DZANK1: variants seen among roughly 807,000 people sequenced by gnomAD.
The protein encoded by DZANK1 is double zinc ribbon and ankyrin repeat-containing protein 1.
DZANK1 carries 91 observed loss-of-function variants against 94.5 expected under a neutral mutation model. That is an observed-to-expected ratio of 0.96 (90% CI 0.81 to 1.15). DZANK1 has a LOEUF of 1.15. DZANK1 is among the 50% of genes most tolerant of loss of function. The pLI, the probability that DZANK1 is intolerant of heterozygous loss-of-function variation, is 0.00. For missense variants in DZANK1, 903 were observed against 916.4 expected (o/e 0.99, Z 0.19); for synonymous variants, 312 against 325.3 (o/e 0.96, Z 0.44).
intron 1 of DZANK1, among the ~76,000 whole-genome samples, chr20:18,466,588 A>G (rs972883691): frequency 1.3e-5 from 2 of 152,262 alleles, no homozygotes; most frequent in African/African-American, 4.8e-5. Flanking sequence ...GGCAGATAAA[A>G]TAAAAGTAGT....
At chr20:18,421,721 G>C (rs1242507738) in intron 10 of DZANK1, among the ~76,000 whole-genome samples, 1 of 152,138 alleles carries the variant, frequency 6.6e-6, no homozygotes, top group Non-Finnish European at 1.5e-5. Flanking sequence ...AGGAATAATG[G>C]TATGTCCCAT....
chr20:18,443,441 C>A, exon 8 of DZANK1: 1 of 1,495,294 alleles, frequency 6.7e-7, no homozygotes, highest in South Asian at 1.3e-5. Context: ...ATCTGATGGC[C>A]GGGGGGCAAG....
chr20:18,404,034 G>A (rs7272861), intron 13 of DZANK1, among the ~76,000 whole-genome samples: 53,494 of 151,662 alleles, frequency 0.35, 10,515 homozygotes, highest in Middle Eastern at 0.46. Context: ...TCCTGAGACG[G>A]CCCACCTCGG....
At chr20:18,389,202 A>G (rs2048695693) in intron 19 of DZANK1, among the ~76,000 whole-genome samples, 2 of 152,164 alleles carry the variant, frequency 1.3e-5, no homozygotes, top group Admixed American at 6.5e-5. Flanking sequence ...GTTTTGTATC[A>G]CGGGTGGGAA....
At chr20:18,424,366 A>G (rs1344020141) in intron 10 of DZANK1, among the ~76,000 whole-genome samples, 1 of 152,048 alleles carries the variant, frequency 6.6e-6, no homozygotes, top group African/African-American at 2.4e-5. Flanking sequence ...GAGGCAGGAG[A>G]ATGGCTTGAA....
At chr20:18,459,259 T>C (rs996144058) in intron 3 of DZANK1, among the ~76,000 whole-genome samples, 2 of 152,246 alleles carry the variant, frequency 1.3e-5, no homozygotes, top group Non-Finnish European at 2.9e-5. Context: ...TATACTCCAT[T>C]TGCAGCACAC....
At chr20:18,402,563 G>A (rs1325289824) in intron 13 of DZANK1, among the ~76,000 whole-genome samples, 1 of 152,132 alleles carries the variant, frequency 6.6e-6, no homozygotes, top group African/African-American at 2.4e-5. Context: ...AATCAGGGTA[G>A]AAGTAATGCA....
chr20:18,423,791 C>A, intron 10 of DZANK1, among the ~76,000 whole-genome samples: 1 of 151,362 alleles, frequency 6.6e-6, no homozygotes, highest in East Asian at 1.9e-4. Context: ...TAGGATGCTG[C>A]CAAAGAAGTT....
At chr20:18,393,761 T>C (rs771177384) in exon 17 of DZANK1, 1 of 1,613,478 alleles carries the variant, frequency 6.2e-7, no homozygotes, top group East Asian at 2.2e-5. Context: ...AAATTCTTTA[T>C]CCTTTTGATT....
chr20:18,384,485 C>T (rs1277213656), exon 21 of DZANK1: 1 of 1,612,154 alleles, frequency 6.2e-7, no homozygotes, highest in East Asian at 2.2e-5. Context: ...AGTGAGGTGA[C>T]AAGGTCATCT....
chr20:18,386,296 C>G (rs1457188477), intron 19 of DZANK1, among the ~76,000 whole-genome samples: 1 of 152,150 alleles, frequency 6.6e-6, no homozygotes, highest in Non-Finnish European at 1.5e-5. Flanking sequence ...TTGACAAAGC[C>G]GTTCTCTTAT....
chr20:18,422,084 T>C (rs1454257652), intron 10 of DZANK1, among the ~76,000 whole-genome samples: 1 of 152,174 alleles, frequency 6.6e-6, no homozygotes, highest in Non-Finnish European at 1.5e-5. Flanking sequence ...GTTTGTCTAT[T>C]TTTTGCTTTT....
At chr20:18,463,132 T>C (rs1253937485) in intron 2 of DZANK1, among the ~76,000 whole-genome samples, 3 of 151,884 alleles carry the variant, frequency 2.0e-5, no homozygotes, top group East Asian at 3.9e-4. Flanking sequence ...AATGGTGAAA[T>C]GGACAAAGAA....
intron 7 of DZANK1, among the ~76,000 whole-genome samples, chr20:18,443,901 C>T (rs547043596): frequency 1.5e-4 from 23 of 152,284 alleles, no homozygotes; most frequent in Non-Finnish European, 3.1e-4. Context: ...GTGCCTCAAA[C>T]CCATCCTTTC....
intron 17 of DZANK1, 101 bp downstream of exon 17, chr20:18,393,608 CAG>C: frequency 1.3e-6 from 1 of 744,298 alleles, no homozygotes; most frequent in Non-Finnish European, 2.2e-6. Context: ...AAAAAAGGAA[CAG>C]AAAATGAGAA....
chr20:18,384,809 A>G (rs1398626250), intron 20 of DZANK1, among the ~76,000 whole-genome samples: 1 of 152,166 alleles, frequency 6.6e-6, no homozygotes, highest in Non-Finnish European at 1.5e-5. Flanking sequence ...CATTGCATTA[A>G]AGTCCTACAA....
chr20:18,440,672 G>A (rs1475782149), intron 8 of DZANK1, among the ~76,000 whole-genome samples: 1 of 152,136 alleles, frequency 6.6e-6, no homozygotes, highest in Non-Finnish European at 1.5e-5. Flanking sequence ...CATCTGCCCA[G>A]GTGAGGTTAT....
At chr20:18,431,586 C>T (rs1181931580) in intron 9 of DZANK1, among the ~76,000 whole-genome samples, 1 of 152,186 alleles carries the variant, frequency 6.6e-6, no homozygotes, top group Non-Finnish European at 1.5e-5. Flanking sequence ...GGTTTCCAAA[C>T]AGATGTCCTT....
rs144897423 is a variant in DZANK1, at chr20:18,429,942, G to T, written c.862-2783C>A. ...ACCATCAGATGGCCTTAATGGGGAT[G>T]GCAAACACCTATGATGAGAACTTTT... On this transcript the variant is annotated intron_variant, in intron 9 of 20. Coordinates refer to ENST00000262547, the Ensembl canonical transcript of DZANK1. Among the ~76,000 whole-genome samples the T allele has an allele frequency of 2.4e-3, 362 of 152,252 alleles. 5 individuals carry two copies. The highest frequency in any genetic ancestry group is 0.02 in the Admixed American group (305 of 15,276).
Sources: gnomAD v4.1 joint callset for allele counts (sites outside exome capture counted in the v4.1 genomes callset) on GRCh38, gnomAD v4.1.1 for gene constraint, MANE v1.5 for transcripts, NCBI Gene and HGNC (gene_info 2026-07-23, HGNC 2026-07-21) for gene names.